Variants in SPOPL observed in about 807,000 individuals in gnomAD.
SPOPL encodes the protein speckle type BTB/POZ protein like, also known as speckle-type POZ protein-like.
A neutral mutation model predicts 53.8 loss-of-function variants in SPOPL; 23 were observed. The observed-to-expected ratio is 0.43, with a 90% CI of 0.31 to 0.61. The LOEUF is 0.61. Among genes scored for constraint, SPOPL ranks in the 20% least tolerant of loss-of-function variants. The pLI is 0.12. For missense variants in SPOPL, 442 were observed against 466.9 expected (o/e 0.95, Z 0.49); for synonymous variants, 164 against 149.7 (o/e 1.10, Z -0.70).
rs1398932080 is a variant in SPOPL at position 138,573,367 on chromosome 2, C to T, written c.*4287C>T. The T allele has an allele frequency of 6.6e-6, 1 of 152,066 alleles. No homozygotes were observed. Among genetic ancestry groups the T allele is most frequent in the Non-Finnish European group, 1.5e-5 (1 of 67,992 alleles). 9.4% of individuals were successfully genotyped at this position (152,066 alleles called of 1,614,324 possible). A position where few individuals can be genotyped will look rare whatever the true frequency, so the allele number is the denominator to read the frequency against. ...ATTGTCTTTTCTACATAGGGGAGCT[C>T]TTGTTTTTTGGAACCAATTGAAGAC... is the stretch of plus-strand genomic sequence containing the variant. On this transcript the variant is annotated 3_prime_UTR_variant, in exon 11 of 11. Transcript: ENST00000280098.
chr2:138,529,528 G>T (rs868120104), intron 1 of SPOPL, among the ~76,000 whole-genome samples: 3 of 101,166 alleles, frequency 3.0e-5, no homozygotes, highest in Non-Finnish European at 5.2e-5. Flanking sequence ...GTGTGTGTGT[G>T]TGTGTGTTTG....
chr2:138,537,788 CAT>C (rs1201093662), intron 1 of SPOPL, among the ~76,000 whole-genome samples: 2 of 152,204 alleles, frequency 1.3e-5, no homozygotes, highest in East Asian at 1.9e-4. Flanking sequence ...TCACTTTTCT[CAT>C]AGTCTCTACT....
chr2:138,565,015 A>T, intron 10 of SPOPL, 22 bp downstream of exon 10: 1 of 1,613,530 alleles, frequency 6.2e-7, no homozygotes, highest in Non-Finnish European at 8.5e-7. Flanking sequence ...TCAGTTTCTG[A>T]CTCAAAGTTG....
intron 1 of SPOPL, among the ~76,000 whole-genome samples, chr2:138,532,480 G>A (rs891182246): frequency 7.5e-6 from 1 of 132,738 alleles, no homozygotes; most frequent in Non-Finnish European, 1.5e-5. Flanking sequence ...AGGCTAGAGT[G>A]CAGTGGCACG....
chr2:138,512,448 TA>T (rs1192527350), intron 1 of SPOPL, among the ~76,000 whole-genome samples: 1 of 152,140 alleles, frequency 6.6e-6, no homozygotes, highest in African/African-American at 2.4e-5. Context: ...AGGGTTTCAG[TA>T]TTATTGACGC....
intron 1 of SPOPL, among the ~76,000 whole-genome samples, chr2:138,506,983 A>G (rs1016031244): frequency 5.3e-5 from 8 of 152,164 alleles, no homozygotes; most frequent in Non-Finnish European, 1.2e-4. Flanking sequence ...TTGGAAGAAA[A>G]TTTTGTTGGT....
rs576023066 is a variant in SPOPL at position 138,573,468 on chromosome 2, T to C, written c.*4388T>C. The C allele has an allele frequency of 6.6e-6, 1 of 152,342 alleles. No homozygotes were observed. Among genetic ancestry groups the C allele is most frequent in the Admixed American group, 6.5e-5 (1 of 15,300 alleles). 9.4% of individuals were successfully genotyped at this position (152,342 alleles called of 1,614,324 possible). The stretch of plus-strand genomic sequence containing the variant: ...ATCAATACTGGATGACTTATTCTAA[T>C]GCTACGTACCATTAATGTAACAGAG... On this transcript the variant is annotated 3_prime_UTR_variant, in exon 11 of 11. Coordinates refer to ENST00000280098, the MANE Select transcript of SPOPL (RefSeq NM_001001664.3).
intron 1 of SPOPL, among the ~76,000 whole-genome samples, chr2:138,546,939 CT>C (rs1226724355): frequency 6.6e-6 from 1 of 152,096 alleles, no homozygotes. Flanking sequence ...TCCTTGTAAT[CT>C]TTTATGTAGC....
chr2:138,535,976 T>A (rs1461962945), intron 1 of SPOPL, among the ~76,000 whole-genome samples: 2 of 152,120 alleles, frequency 1.3e-5, no homozygotes, highest in South Asian at 2.1e-4. Context: ...TTGGTTCTTT[T>A]AAAAAAAATA....
At position 138,560,829 on chromosome 2, in the gene SPOPL, G is replaced by C. The variant is rs1685530316; in HGVS notation, c.739G>C (p.Asp247His). The C allele has an allele frequency of 1.9e-6, 3 of 1,603,826 alleles. No individual in the cohort carries two copies. The highest frequency in any genetic ancestry group is 1.7e-6 in the Non-Finnish European group (2 of 1,177,186). Residue 247 changes from aspartate (D) to histidine (H), a missense_variant, in exon 8 of 11, where the codon GAC becomes CAC. Physicochemically the swap from Asp to His is moderately conservative, Grantham distance 81. Transcript: ENST00000280098. Reference protein sequence around the residue: ...KKNRVEINDLDPEVFKEMMRF... With the variant: ...KKNRVEINDLHPEVFKEMMRF... ...GAATCGAGTGGAAATAAATGATTTA[G>C]ACCCTGAAGTTTTTAAAGAAATGAT...
intron 5 of SPOPL, among the ~76,000 whole-genome samples, chr2:138,557,535 C>A (rs1247510777): frequency 6.6e-6 from 1 of 152,098 alleles, no homozygotes; most frequent in Non-Finnish European, 1.5e-5. Flanking sequence ...GGTAGTTTAG[C>A]AAATTTATTT....
chr2:138,540,463 T>A (rs1457394781), intron 1 of SPOPL, among the ~76,000 whole-genome samples: 2 of 152,326 alleles, frequency 1.3e-5, no homozygotes, highest in East Asian at 3.9e-4. Context: ...GTCCTTCACA[T>A]CTCTTGTAAG....
chr2:138,516,429 G>A (rs1684439266), intron 1 of SPOPL, among the ~76,000 whole-genome samples: 1 of 152,324 alleles, frequency 6.6e-6, no homozygotes, highest in South Asian at 2.1e-4. Flanking sequence ...AAGATACACT[G>A]AGGTTTATTT....
At chr2:138,514,799 A>G (rs1219317656) in intron 1 of SPOPL, among the ~76,000 whole-genome samples, 1 of 152,100 alleles carries the variant, frequency 6.6e-6, no homozygotes. Context: ...AAGTTGTTGT[A>G]CCAATGTATA....
At chr2:138,511,904 T>A (rs1023135787) in intron 1 of SPOPL, among the ~76,000 whole-genome samples, 1 of 152,212 alleles carries the variant, frequency 6.6e-6, no homozygotes, top group Non-Finnish European at 1.5e-5. Context: ...TTAGGGAAGT[T>A]ACTTAAAGTC....
intron 1 of SPOPL, among the ~76,000 whole-genome samples, chr2:138,544,177 G>C (rs148881724): frequency 2.6e-5 from 4 of 152,194 alleles, no homozygotes; most frequent in Non-Finnish European, 5.9e-5. Context: ...CTACTCGGGG[G>C]TCAGGGACCC....
At chr2:138,523,165 G>A (rs912500554) in intron 1 of SPOPL, among the ~76,000 whole-genome samples, 3 of 152,186 alleles carry the variant, frequency 2.0e-5, no homozygotes, top group African/African-American at 7.2e-5. Flanking sequence ...ACAGTTCCAC[G>A]TGGCTGGGGA....
chr2:138,561,064 G>A, intron 8 of SPOPL, 137 bp downstream of exon 8: 3 of 1,046,130 alleles, frequency 2.9e-6, no homozygotes, highest in Non-Finnish European at 2.7e-6. Flanking sequence ...GCATACAGTG[G>A]GGTAATCTGG....
At chr2:138,545,405 A>T (rs1245856870) in intron 1 of SPOPL, among the ~76,000 whole-genome samples, 1 of 151,872 alleles carries the variant, frequency 6.6e-6, no homozygotes, top group African/African-American at 2.4e-5. Flanking sequence ...TTGTTTCTTC[A>T]TTAAGCATTC....
Sources: gnomAD v4.1 joint callset for allele counts (sites outside exome capture counted in the v4.1 genomes callset) on GRCh38, gnomAD v4.1.1 for gene constraint, MANE v1.5 for transcripts, NCBI Gene and HGNC (gene_info 2026-07-23, HGNC 2026-07-21) for gene names.